Variants in TMPRSS3 observed in about 807,000 individuals in gnomAD.
TMPRSS3 encodes transmembrane serine protease 3, also known as transmembrane protease serine 3.
Under a neutral mutation model 59.6 loss-of-function variants are expected in TMPRSS3, and 55 were observed. That is an observed-to-expected ratio of 0.92 (90% CI 0.74 to 1.16). The LOEUF (loss-of-function observed/expected upper bound fraction) is 1.16. Ranked by LOEUF, TMPRSS3 falls within the 50% of genes most tolerant of loss-of-function variation. TMPRSS3 has a pLI of 0.00. For synonymous variants in TMPRSS3, 257 were observed against 237.7 expected, an observed-to-expected ratio of 1.08 and a Z score of -0.75; for missense variants, 596 against 579.4, an observed-to-expected ratio of 1.03 and a Z score of -0.29.
chr21:42,394,029 A>G (rs2052766406), intron 2 of TMPRSS3, among the ~76,000 whole-genome samples: 1 of 152,232 alleles, frequency 6.6e-6, no homozygotes, highest in Non-Finnish European at 1.5e-5. Context: ...TCAATAATAA[A>G]TTGCTAATAG....
chr21:42,388,803 T>C lies in TMPRSS3; in HGVS notation c.322+126A>G. ...CAACATGTCTTTGGGCAAACGCCAGTTCAATCCCAGCTGAAGACATGACCT... is the reference window on the plus strand; with the variant it reads ...CAACATGTCTTTGGGCAAACGCCAGCTCAATCCCAGCTGAAGACATGACCT... On this transcript the variant is annotated intron_variant, in intron 4 of 12. Coordinates refer to ENST00000644384, the MANE Select transcript of TMPRSS3 (RefSeq NM_001256317.3). The surrounding 1 kb of genome is among the most constrained non-coding windows in gnomAD (Gnocchi z 5.1). 9.8e-7 allele frequency: 1 copy of C among 1,017,392 alleles called. No homozygotes were observed. The highest frequency in any genetic ancestry group is 2.4e-5 in the East Asian group (1 of 41,896). 63.0% of individuals were successfully genotyped at this position (1,017,392 alleles called of 1,614,324 possible).
chr21:42,389,251 C>T (rs770174626), intron 3 of TMPRSS3: 63 of 989,968 alleles, frequency 6.4e-5, no homozygotes, highest in Non-Finnish European at 8.9e-5. Flanking sequence ...CACTTTATCT[C>T]GCTATGTGGC....
In TMPRSS3 at chr21:42,383,209, G is replaced by T; in HGVS notation, c.617-11C>A. The T allele has an allele frequency of 6.2e-7, 1 of 1,614,034 alleles. No homozygotes were observed. The highest frequency in any genetic ancestry group is 8.5e-7 in the Non-Finnish European group (1 of 1,179,988). On this transcript the variant is annotated splice_polypyrimidine_tract_variant and intron_variant, in intron 7 of 12. Coordinates refer to ENST00000644384, the MANE Select transcript of TMPRSS3 (RefSeq NM_001256317.3). ...TTCTATGACCACAGGCTATGGAGGGGAACAAAGGCTTGTGGGTCCACCCTG... is the reference window on the plus strand; with the variant it reads ...TTCTATGACCACAGGCTATGGAGGGTAACAAAGGCTTGTGGGTCCACCCTG...
rs756504815 is a variant in TMPRSS3 at position 42,392,334 on chromosome 21, AAG to A, written c.95-2299_95-2298del. On this transcript the variant is annotated intron_variant, in intron 2 of 12. Transcript: ENST00000644384. ...GAAAAGACATGGAATGCGAGGAGAA[AAG>A]AGTGTGCAGAGGAGAGGGTGAGCAG... is the stretch of plus-strand genomic sequence containing the variant. Among the ~76,000 whole-genome samples, 13 of 152,312 alleles carry A rather than the reference AAG, an allele frequency of 8.5e-5. 2 individuals carry two copies. The highest frequency in any genetic ancestry group is 3.9e-4 in the East Asian group (2 of 5,184).
At chr21:42,382,651 G>A (rs1166366657) in intron 8 of TMPRSS3, 1 of 399,564 alleles carries the variant, frequency 2.5e-6, no homozygotes, top group Non-Finnish European at 4.7e-6. Flanking sequence ...CCCAGTACCT[G>A]GCCCCCAACA....
intron 6 of TMPRSS3, 144 bp from the exon 7 acceptor site, chr21:42,384,157 A>C (rs2052586302): frequency 3.4e-6 from 1 of 293,626 alleles, no homozygotes; most frequent in East Asian, 5.9e-5. Flanking sequence ...GTCTATGTTC[A>C]AAAAAAAAAA....
At chr21:42,383,822 C>G (rs2052578373) in intron 7 of TMPRSS3, 148 bp downstream of exon 7, 3 of 828,642 alleles carry the variant, frequency 3.6e-6, no homozygotes, top group Non-Finnish European at 6.2e-6. Context: ...CTCCCCTCCT[C>G]CAGCAGGTAG....
At chr21:42,383,774 C>T (rs756911295) in intron 7 of TMPRSS3, 196 bp downstream of exon 7, 20 of 721,456 alleles carry the variant, frequency 2.8e-5, no homozygotes, top group Non-Finnish European at 2.3e-5. Flanking sequence ...CTGTCTCCCC[C>T]ACCTGACAGG....
chr21:42,375,891 A>G (rs1447762129), intron 11 of TMPRSS3, 23 bp from the exon 12 acceptor site: 1 of 1,612,800 alleles, frequency 6.2e-7, no homozygotes, highest in South Asian at 1.1e-5. Flanking sequence ...AAAGAAGCAA[A>G]GATTGGGGGA....
intron 7 of TMPRSS3, 84 bp downstream of exon 7, chr21:42,383,886 G>T: frequency 7.0e-6 from 10 of 1,427,922 alleles, no homozygotes; most frequent in Non-Finnish European, 8.9e-6. Context: ...AGAGCCCCAT[G>T]GGGGGAGAGG....
At position 42,388,522 on chromosome 21, in the gene TMPRSS3, C is replaced by G. The variant is rs759723029; in HGVS notation, c.327G>C (p.Arg109=). The stretch of plus-strand genomic sequence containing the variant: ...GGAGCACGGCATTCTGACCACCCAC[C>G]CGGACTGGCCGATGTGCAGAAAGAA... ...KDGEDEYRCV[R]VGGQNAVLQV... Residue 109 remains arginine, a synonymous_variant, in exon 5 of 13, where the codon CGG becomes CGC. Coordinates refer to ENST00000644384, the MANE Select transcript of TMPRSS3 (RefSeq NM_001256317.3). This position sits in a 1 kb window ranked among gnomAD's most constrained non-coding sequence, Gnocchi z 5.1. The G allele has an allele frequency of 1.2e-6, 2 of 1,614,168 alleles. No individual in the cohort carries two copies. The highest frequency in any genetic ancestry group is 1.7e-6 in the Non-Finnish European group (2 of 1,180,042).
At position 42,389,038 on chromosome 21, in the gene TMPRSS3, G is replaced by A. The variant is rs200937562; in HGVS notation, c.213C>T (p.Phe71=). The change falls in exon 4 of 13, where the codon TTC becomes TTT. Residue 71 remains phenylalanine, a synonymous_variant. Coordinates refer to ENST00000644384, the MANE Select transcript of TMPRSS3 (RefSeq NM_001256317.3). ...LALAIGLGIH[F]DCSGKYRCRS... Reference sequence around the variant, plus strand: ...GACATCTGTACTTCCCTGAGCAGTCGAAGTGGACTGGGAAAAGGGAGGAAG... The same window carrying A: ...GACATCTGTACTTCCCTGAGCAGTCAAAGTGGACTGGGAAAAGGGAGGAAG... 117 of 1,614,090 alleles carry A rather than the reference G, an allele frequency of 7.2e-5. No homozygotes were observed. Among genetic ancestry groups the A allele is most frequent in the Middle Eastern group, 4.9e-4 (3 of 6,062 alleles).
intron 6 of TMPRSS3, among the ~76,000 whole-genome samples, chr21:42,385,064 C>CCTCCCTTCCTTCCTTCCT (rs2052609254): frequency 7.3e-6 from 1 of 136,486 alleles, no homozygotes; most frequent in Admixed American, 7.2e-5. Context: ...TTCCTCCCTC[C>CCTCCCTTCCTTCCTTCCT]CTCCCTCCCT....
At chr21:42,381,353 G>A (rs1283393532) in intron 9 of TMPRSS3, among the ~76,000 whole-genome samples, 1 of 152,166 alleles carries the variant, frequency 6.6e-6, no homozygotes, top group Non-Finnish European at 1.5e-5. Flanking sequence ...AGCTGAGGGT[G>A]CCCAGCATCT....
intron 12 of TMPRSS3, among the ~76,000 whole-genome samples, chr21:42,374,610 C>G (rs994931216): frequency 6.6e-6 from 1 of 152,114 alleles, no homozygotes; most frequent in African/African-American, 2.4e-5. Context: ...CTGCGTGCTT[C>G]TAGGGTGCCG....
At chr21:42,374,109 C>A (rs2052380650) in intron 12 of TMPRSS3, among the ~76,000 whole-genome samples, 1 of 152,220 alleles carries the variant, frequency 6.6e-6, no homozygotes, top group Non-Finnish European at 1.5e-5. Flanking sequence ...TCCCACAGCA[C>A]CCTGAACAGT....
intron 8 of TMPRSS3, chr21:42,382,757 T>G: frequency 1.9e-6 from 1 of 528,668 alleles, no homozygotes; most frequent in Non-Finnish European, 3.4e-6. Context: ...TCCTTTCATT[T>G]TTGTGGGTTT....
In TMPRSS3 at chr21:42,396,012, C is replaced by T. The variant is rs1364210301; in HGVS notation, c.-122G>A. The T allele has an allele frequency of 1.9e-6, 1 of 518,984 alleles. No homozygotes were observed. The highest frequency in any genetic ancestry group is 1.9e-5 in the African/African-American group (1 of 52,054). 32.1% of individuals were successfully genotyped at this position (518,984 alleles called of 1,614,324 possible). On this transcript the variant is annotated 5_prime_UTR_variant, in exon 1 of 13. Transcript: ENST00000644384. Reference sequence around the variant, plus strand: ...AGTAGGCCACAGTGTTACTGGCTTCCCATAAACACAGCCCTTTCCTGGCTC... The same window carrying T: ...AGTAGGCCACAGTGTTACTGGCTTCTCATAAACACAGCCCTTTCCTGGCTC...
intron 7 of TMPRSS3, chr21:42,383,724 A>G (rs1453160776): frequency 1.4e-6 from 1 of 696,404 alleles, no homozygotes; most frequent in Admixed American, 2.0e-5. Flanking sequence ...ATGGGACATC[A>G]TGGGCCTTGG....
Sources: gnomAD v4.1 joint callset for allele counts (sites outside exome capture counted in the v4.1 genomes callset) on GRCh38, gnomAD v4.1.1 for gene constraint, Gnocchi (gnomAD v3.1) non-coding constraint, MANE v1.5 for transcripts, NCBI Gene and HGNC (gene_info 2026-07-23, HGNC 2026-07-21) for gene names.